The following SLC38A12 variants were observed in gnomAD, a reference collection of about 807,000 sequenced individuals.
SLC38A12 encodes putative sodium-coupled neutral amino acid transporter 12.
At chr17:74,817,883 G>A in the SLC38A12 span, among the ~76,000 whole-genome samples, 1 of 152,116 alleles carries the variant, frequency 6.6e-6, no homozygotes, top group Non-Finnish European at 1.5e-5. Context: ...ACAGCTGGAG[G>A]ACCATAATTT....
the SLC38A12 span, chr17:74,835,945 T>C: frequency 1.2e-6 from 2 of 1,609,174 alleles, no homozygotes; most frequent in South Asian, 2.2e-5. Flanking sequence ...GTCATGATTG[T>C]GCTGGCCCTG....
At chr17:74,793,327 C>T in the SLC38A12 span, among the ~76,000 whole-genome samples, 68 of 152,268 alleles carry the variant, frequency 4.5e-4, no homozygotes, top group African/African-American at 1.4e-3. Flanking sequence ...CAAAACTGTC[C>T]TCAGACATTG....
chr17:74,778,808 A>G, the SLC38A12 span, among the ~76,000 whole-genome samples: 3 of 151,940 alleles, frequency 2.0e-5, no homozygotes, highest in South Asian at 4.2e-4. Context: ...AGCTGGGACT[A>G]CAGGCATGCA....
the SLC38A12 span, among the ~76,000 whole-genome samples, chr17:74,831,683 G>A: frequency 6.6e-6 from 1 of 152,336 alleles, no homozygotes; most frequent in East Asian, 1.9e-4. Flanking sequence ...ATAGGCTCTT[G>A]GGGAACTGCA....
chr17:74,810,419 T>C, the SLC38A12 span, among the ~76,000 whole-genome samples: 1 of 152,354 alleles, frequency 6.6e-6, no homozygotes, highest in African/African-American at 2.4e-5. Context: ...CAAAGGGCCA[T>C]GCTAACTTGT....
At chr17:74,810,489 G>A in the SLC38A12 span, among the ~76,000 whole-genome samples, 173 of 152,328 alleles carry the variant, frequency 1.1e-3, no homozygotes, top group African/African-American at 3.9e-3. Context: ...AGAGAGGGAC[G>A]TGCACTGAGG....
chr17:74,786,542 G>A, the SLC38A12 span, among the ~76,000 whole-genome samples: 2 of 152,212 alleles, frequency 1.3e-5, no homozygotes, highest in Non-Finnish European at 2.9e-5. Flanking sequence ...AGTGAGTGCT[G>A]TGGAAAGAGG....
the SLC38A12 span, among the ~76,000 whole-genome samples, chr17:74,829,208 C>A: frequency 6.6e-6 from 1 of 152,140 alleles, no homozygotes; most frequent in Non-Finnish European, 1.5e-5. The surrounding 1 kb of genome is among the most constrained non-coding windows in gnomAD (Gnocchi z 4.1). Flanking sequence ...ACTGCAACTT[C>A]TGCCTCCTGG....
At chr17:74,779,345 G>C in the SLC38A12 span, among the ~76,000 whole-genome samples, 1 of 152,104 alleles carries the variant, frequency 6.6e-6, no homozygotes, top group East Asian at 1.9e-4. Flanking sequence ...TTTCGTTCAG[G>C]GTCTTTGTTG....
At chr17:74,801,082 G>A in the SLC38A12 span, among the ~76,000 whole-genome samples, 1 of 152,222 alleles carries the variant, frequency 6.6e-6, no homozygotes, top group African/African-American at 2.4e-5. Flanking sequence ...GTTGCTTCCA[G>A]GGTCGGGGAC....
the SLC38A12 span, among the ~76,000 whole-genome samples, chr17:74,780,081 CACGCCCG>C: frequency 6.6e-6 from 1 of 152,188 alleles, no homozygotes; most frequent in African/African-American, 2.4e-5. Flanking sequence ...TGCTGTAGGT[CACGCCCG>C]ACAGAAGGGT....
At chr17:74,830,529 C>G in the SLC38A12 span, among the ~76,000 whole-genome samples, 1 of 152,218 alleles carries the variant, frequency 6.6e-6, no homozygotes, top group Non-Finnish European at 1.5e-5. Context: ...AGCCTGAGGA[C>G]TCGGATGTTA....
the SLC38A12 span, chr17:74,819,861 C>CTT: frequency 6.2e-7 from 1 of 1,604,220 alleles, no homozygotes; most frequent in Non-Finnish European, 8.5e-7. Flanking sequence ...TGAGAAACAG[C>CTT]TCGAGTCTCT....
At chr17:74,795,152 G>A in the SLC38A12 span, 1 of 1,548,200 alleles carries the variant, frequency 6.5e-7, no homozygotes, top group Non-Finnish European at 8.9e-7. Flanking sequence ...GTAGCCAAAG[G>A]GGCTTCCTCA....
the SLC38A12 span, among the ~76,000 whole-genome samples, chr17:74,783,779 G>A: frequency 7.7e-6 from 1 of 129,050 alleles, no homozygotes; most frequent in African/African-American, 3.0e-5. Flanking sequence ...TGCCCAGCCT[G>A]GAGTGCAGTG....
chr17:74,813,450 T>A, the SLC38A12 span, among the ~76,000 whole-genome samples: 1 of 152,256 alleles, frequency 6.6e-6, no homozygotes, highest in Non-Finnish European at 1.5e-5. Context: ...CTTCAGCCCC[T>A]CATTCTCCTG....
chr17:74,810,025 TA>T, the SLC38A12 span, among the ~76,000 whole-genome samples: 1 of 152,228 alleles, frequency 6.6e-6, no homozygotes, highest in Non-Finnish European at 1.5e-5. Flanking sequence ...CTCTGCTTTC[TA>T]GCTTGGTGGC....
At chr17:74,818,347 C>T in the SLC38A12 span, among the ~76,000 whole-genome samples, 10 of 152,236 alleles carry the variant, frequency 6.6e-5, no homozygotes, top group Non-Finnish European at 1.2e-4. Flanking sequence ...GCTGCTCTTT[C>T]CAAAGCCCTC....
At chr17:74,836,713 A>G in the SLC38A12 span, 5 of 1,559,844 alleles carry the variant, frequency 3.2e-6, no homozygotes, top group African/African-American at 1.4e-5. This position sits in a 1 kb window ranked among gnomAD's most constrained non-coding sequence, Gnocchi z 4.2. Context: ...GTCTAGTGAC[A>G]GGAGGCATAG....
Sources: allele counts gnomAD v4.1 joint callset (sites outside exome capture counted in the v4.1 genomes callset), GRCh38; gene constraint gnomAD v4.1.1; non-coding constraint Gnocchi (gnomAD v3.1); transcripts MANE v1.5; gene names NCBI Gene and HGNC (gene_info 2026-07-23, HGNC 2026-07-21).